UTRN: variants seen among roughly 807,000 people sequenced by gnomAD.
UTRN encodes the protein dystrophin-related protein 1.
UTRN carries 283 observed loss-of-function variants against 463.9 expected under a neutral mutation model. The ratio of observed to expected loss-of-function variants is 0.61; its 90% CI spans 0.55 to 0.67. The LOEUF is 0.67. Ranked by LOEUF, UTRN falls within the 30% of genes least tolerant of loss-of-function variation. The pLI, the probability that UTRN is intolerant of heterozygous loss-of-function variation, is 0.00. For missense variants in UTRN, 3,922 were observed against 4,084.3 expected (o/e 0.96, Z 1.08); for synonymous variants, 1,442 against 1,431.5 (o/e 1.01, Z -0.17).
chr6:144,330,946 G>A (rs1475278937), intron 2 of UTRN: 4 of 985,240 alleles, frequency 4.1e-6, no homozygotes, highest in Non-Finnish European at 4.8e-6. Context: ...ACATTTGGAG[G>A]ACACGCTGAG....
chr6:144,526,169 T>C (rs1796553912), intron 41 of UTRN, among the ~76,000 whole-genome samples: 1 of 152,246 alleles, frequency 6.6e-6, no homozygotes, highest in African/African-American at 2.4e-5. Flanking sequence ...AGTTGTTGCA[T>C]AGAATGTTCC....
intron 54 of UTRN, among the ~76,000 whole-genome samples, chr6:144,740,650 C>A (rs1789953263): frequency 6.6e-6 from 1 of 152,278 alleles, no homozygotes; most frequent in South Asian, 2.1e-4. Flanking sequence ...AATTAAAGTT[C>A]TATAATATCT....
chr6:144,608,877 A>G (rs903736943), intron 51 of UTRN, among the ~76,000 whole-genome samples: 1 of 152,222 alleles, frequency 6.6e-6, no homozygotes, highest in Non-Finnish European at 1.5e-5. Context: ...GTAAAAACCT[A>G]TAGTAGTTGC....
chr6:144,593,531 G>A (rs553307858), intron 51 of UTRN, among the ~76,000 whole-genome samples: 52 of 152,282 alleles, frequency 3.4e-4, no homozygotes, highest in African/African-American at 1.2e-3. Context: ...TTGTAGGCTA[G>A]GGTAGAGGGA....
chr6:144,418,815 G>A (rs967828060), intron 3 of UTRN, among the ~76,000 whole-genome samples: 1 of 152,068 alleles, frequency 6.6e-6, no homozygotes, highest in African/African-American at 2.4e-5. Flanking sequence ...GCCTCCCAAA[G>A]TGCTGAGATT....
chr6:144,312,355 C>T (rs1362230755), intron 2 of UTRN, among the ~76,000 whole-genome samples: 2 of 149,836 alleles, frequency 1.3e-5, no homozygotes, highest in East Asian at 2.0e-4. Context: ...ACCCAGGAGG[C>T]GGAGCTTGCA....
chr6:144,508,331 C>T (rs1180889143), intron 34 of UTRN, among the ~76,000 whole-genome samples: 1 of 152,152 alleles, frequency 6.6e-6, no homozygotes, highest in African/African-American at 2.4e-5. Context: ...TGGTGTCTCC[C>T]CAATCGGCTG....
chr6:144,664,744 A>C (rs1780212994), intron 51 of UTRN, among the ~76,000 whole-genome samples: 1 of 151,838 alleles, frequency 6.6e-6, no homozygotes, highest in African/African-American at 2.4e-5. Context: ...TAATAATTAA[A>C]ATCAATAAAT....
intron 70 of UTRN, 61 bp downstream of exon 70, chr6:144,835,999 GCCC>G: frequency 3.2e-6 from 5 of 1,579,220 alleles, no homozygotes; most frequent in East Asian, 2.2e-5. Context: ...TTTCACTGTA[GCCC>G]CCATTTATTC....
At chr6:144,573,557 G>A (rs759357003) in intron 50 of UTRN, among the ~76,000 whole-genome samples, 1 of 152,038 alleles carries the variant, frequency 6.6e-6, no homozygotes, top group South Asian at 2.1e-4. Context: ...TTAGCCAGGT[G>A]TAGTGGCAGG....
intron 53 of UTRN, among the ~76,000 whole-genome samples, chr6:144,711,939 AACAAC>A (rs1785760248): frequency 6.6e-6 from 1 of 152,092 alleles, no homozygotes; most frequent in Admixed American, 6.6e-5. Context: ...TCTTTAAAAC[AACAAC>A]ACCCTACTGT....
At chr6:144,460,897 T>C (rs563744629) in intron 21 of UTRN, among the ~76,000 whole-genome samples, 2 of 152,360 alleles carry the variant, frequency 1.3e-5, no homozygotes, top group African/African-American at 2.4e-5. Context: ...GGAGATTATA[T>C]GGAACAAAAG....
chr6:144,734,533 C>T (rs548131481), intron 54 of UTRN, among the ~76,000 whole-genome samples: 10 of 152,158 alleles, frequency 6.6e-5, no homozygotes, highest in Non-Finnish European at 1.2e-4. Context: ...CATGCTCCTC[C>T]GTCTTCTGGG....
chr6:144,496,077 A>T (rs889272950), intron 33 of UTRN, among the ~76,000 whole-genome samples: 1 of 152,218 alleles, frequency 6.6e-6, no homozygotes, highest in Non-Finnish European at 1.5e-5. Flanking sequence ...TAGTGAATCC[A>T]TGCAGGAGTT....
intron 3 of UTRN, among the ~76,000 whole-genome samples, chr6:144,411,320 G>A (rs947213190): frequency 2.0e-5 from 3 of 152,106 alleles, no homozygotes; most frequent in Admixed American, 1.3e-4. Flanking sequence ...GTTATGTTGA[G>A]CATTTTTTCA....
At chr6:144,611,038 G>A (rs953314621) in intron 51 of UTRN, among the ~76,000 whole-genome samples, 1 of 152,160 alleles carries the variant, frequency 6.6e-6, no homozygotes, top group African/African-American at 2.4e-5. Flanking sequence ...TCCCCAGGAT[G>A]GAAGGATGGC....
chr6:144,471,010 A>T (rs1400419879), intron 23 of UTRN, among the ~76,000 whole-genome samples: 9 of 133,616 alleles, frequency 6.7e-5, no homozygotes, highest in Non-Finnish European at 1.6e-5. Flanking sequence ...TCAGAGGGAG[A>T]CCGTGCAAAG....
Position 144,514,707 on chromosome 6 carries a change from G to A in UTRN, c.5131G>A (p.Ala1711Thr). ...NLQVENVRDQ[A>T]LILMNARGSS... ...CCAGGTTGAAAATGTCCGCGATCAA[G>A]CCCTTATTTTGATGAATGCCCGTGG... Residue 1711 changes from alanine to threonine, a missense_variant, in exon 37 of 75, where the codon GCC (alanine) becomes ACC (threonine). Physicochemically the swap from Ala to Thr is moderately conservative, Grantham distance 58 (BLOSUM62 0). This residue lies in a region of UTRN where 2,349 missense variants were observed against 2,303.8 expected (regional missense o/e 1.02). Coordinates refer to ENST00000367545, the MANE Select transcript of UTRN (RefSeq NM_007124.3). The A allele has an allele frequency of 6.2e-7, 1 of 1,614,146 alleles. No homozygotes were observed. The highest frequency in any genetic ancestry group is 8.5e-7 in the Non-Finnish European group (1 of 1,180,008).
At chr6:144,304,953 T>C (rs1056691972) in intron 2 of UTRN, among the ~76,000 whole-genome samples, 1 of 151,352 alleles carries the variant, frequency 6.6e-6, no homozygotes, top group Non-Finnish European at 1.5e-5. Flanking sequence ...TTTTTTGAAA[T>C]GGAGTTTCAC....
Sources: gnomAD v4.1 joint callset for allele counts (sites outside exome capture counted in the v4.1 genomes callset) on GRCh38, gnomAD v4.1.1 for gene constraint, gnomAD v4.1.1 regional missense constraint, MANE v1.5 for transcripts, NCBI Gene and HGNC (gene_info 2026-07-23, HGNC 2026-07-21) for gene names.